Variants in HPCAL1 observed in about 807,000 individuals in gnomAD.
HPCAL1 encodes the protein hippocalcin like 1.
Under a neutral mutation model 17.1 loss-of-function variants are expected in HPCAL1, and 8 were observed. That is an observed-to-expected ratio of 0.47 (90% CI 0.27 to 0.84). HPCAL1 has a LOEUF of 0.84. Among genes scored for constraint, HPCAL1 ranks in the 40% least tolerant of loss-of-function variants. The probability of loss-of-function intolerance (pLI) is 0.13; values close to 1 mark genes in which losing one functional copy is unlikely to be tolerated. For synonymous variants in HPCAL1, 112 were observed against 111.4 expected, an observed-to-expected ratio of 1.01 and a Z score of -0.03; for missense variants, 165 against 271.1, an observed-to-expected ratio of 0.61 and a Z score of 2.75.
At position 10,323,631 on chromosome 2, in the gene HPCAL1, G is replaced by A. The variant is rs117954497; in HGVS notation, c.-111+20454G>A. ...ACTACCTTAGGTAAGCACCAGTTGCGCCTCACTCTAATGAAAATAATAAAA... is the reference window on the plus strand; with the variant it reads ...ACTACCTTAGGTAAGCACCAGTTGCACCTCACTCTAATGAAAATAATAAAA... On this transcript the variant is annotated intron_variant, in intron 1 of 4. Transcript: ENST00000307845. The surrounding 1 kb of genome is among the most constrained non-coding windows in gnomAD (Gnocchi z 4.6). Among the ~76,000 whole-genome samples, 2 of 152,260 alleles carry A rather than the reference G, an allele frequency of 1.3e-5. No individual in the cohort carries two copies. Among genetic ancestry groups the A allele is most frequent in the East Asian group, 1.9e-4 (1 of 5,188 alleles).
At chr2:10,415,739 T>C (rs916350250) in intron 2 of HPCAL1, among the ~76,000 whole-genome samples, 6 of 152,122 alleles carry the variant, frequency 3.9e-5, no homozygotes, top group African/African-American at 1.4e-4. Context: ...CTCCAGGAAG[T>C]TGACCACCTC....
intron 1 of HPCAL1, among the ~76,000 whole-genome samples, chr2:10,368,297 CAT>C (rs1463765519): frequency 6.8e-6 from 1 of 147,210 alleles, no homozygotes; most frequent in Non-Finnish European, 1.5e-5. Flanking sequence ...TGTAGGTGTG[CAT>C]GTGTGTGCAC....
At chr2:10,373,481 C>T (rs575016375) in intron 1 of HPCAL1, among the ~76,000 whole-genome samples, 2 of 152,128 alleles carry the variant, frequency 1.3e-5, no homozygotes, top group South Asian at 2.1e-4. Flanking sequence ...CTGAAAGTGA[C>T]GAGTGACAGA....
rs566394935 is a variant in HPCAL1, at chr2:10,377,009, T to G, written c.-110-19826T>G. Among the ~76,000 whole-genome samples, 53 of 151,820 alleles carry G rather than the reference T, an allele frequency of 3.5e-4. No individual in the cohort carries two copies. Among genetic ancestry groups the G allele is most frequent in the African/African-American group, 1.3e-3 (52 of 41,336 alleles). ...ACAATACATACCGTATTGTATTGTGTGTAGTACAATACATGTATGTAATAC... is the reference window on the plus strand; with the variant it reads ...ACAATACATACCGTATTGTATTGTGGGTAGTACAATACATGTATGTAATAC... On this transcript the variant is annotated intron_variant, in intron 1 of 4. Transcript: ENST00000307845. This position sits in a 1 kb window ranked among gnomAD's most constrained non-coding sequence, Gnocchi z 5.9.
intron 1 of HPCAL1, among the ~76,000 whole-genome samples, chr2:10,317,806 C>T (rs192255890): frequency 1.5e-4 from 23 of 152,288 alleles, no homozygotes; most frequent in African/African-American, 5.3e-4. Context: ...CCTGCCCTGG[C>T]GGAGCTTGTA....
rs150188129 is a variant in HPCAL1, at chr2:10,377,846, G to A, written c.-110-18989G>A. Among the ~76,000 whole-genome samples, 731 of 152,322 alleles carry A rather than the reference G, an allele frequency of 4.8e-3. 9 individuals carry two copies. Among genetic ancestry groups the A allele is most frequent in the African/African-American group, 0.017 (699 of 41,568 alleles). ...AGCCACCGAGGGGGGCCAGGCACGG[G>A]GGAGGGTATTCAAGGGCGGCAAGCC... is the stretch of plus-strand genomic sequence containing the variant. On this transcript the variant is annotated intron_variant, in intron 1 of 4. Coordinates refer to ENST00000307845, the MANE Select transcript of HPCAL1 (RefSeq NM_002149.4). This position sits in a 1 kb window ranked among gnomAD's most constrained non-coding sequence, Gnocchi z 5.9.
At chr2:10,413,629 G>A (rs927740313) in intron 2 of HPCAL1, among the ~76,000 whole-genome samples, 2 of 152,240 alleles carry the variant, frequency 1.3e-5, no homozygotes, top group Non-Finnish European at 2.9e-5. Flanking sequence ...GATGCACTCC[G>A]CCTGTTACCT....
At chr2:10,416,090 C>T (rs904419039) in intron 2 of HPCAL1, among the ~76,000 whole-genome samples, 1 of 152,196 alleles carries the variant, frequency 6.6e-6, no homozygotes, top group African/African-American at 2.4e-5. Flanking sequence ...ATGGCCCAGG[C>T]CCTCAAACTC....
At chr2:10,318,961 C>T (rs998545462) in intron 1 of HPCAL1, among the ~76,000 whole-genome samples, 3 of 152,196 alleles carry the variant, frequency 2.0e-5, no homozygotes, top group Admixed American at 6.5e-5. Flanking sequence ...GGCCTTGTAG[C>T]GTCTATATCC....
In HPCAL1 at chr2:10,342,074, T is replaced by A. The variant is rs1208407851; in HGVS notation, c.-111+38897T>A. Reference sequence around the variant, plus strand: ...AGTCCCAGCTACTTGGGAGGCTAAGTTGGAAGGATGACTTGAGCCCAGGAG... The same window carrying A: ...AGTCCCAGCTACTTGGGAGGCTAAGATGGAAGGATGACTTGAGCCCAGGAG... On this transcript the variant is annotated intron_variant, in intron 1 of 4. Coordinates refer to ENST00000307845, the MANE Select transcript of HPCAL1 (RefSeq NM_002149.4). The surrounding 1 kb of genome is among the most constrained non-coding windows in gnomAD (Gnocchi z 4.1). Among the ~76,000 whole-genome samples the A allele has an allele frequency of 6.6e-6, 1 of 151,408 alleles. No individual in the cohort carries two copies. The highest frequency in any genetic ancestry group is 1.5e-5 in the Non-Finnish European group (1 of 67,838).
chr2:10,364,227 G>A (rs1168471994), intron 1 of HPCAL1, among the ~76,000 whole-genome samples: 4 of 152,240 alleles, frequency 2.6e-5, no homozygotes, highest in Admixed American at 2.6e-4. Flanking sequence ...GTCGAGTGTG[G>A]GAGCTGGGCC....
Position 10,377,441 on chromosome 2 carries a change from C to T in HPCAL1, c.-110-19394C>T, listed in dbSNP as rs970665933. The stretch of plus-strand genomic sequence containing the variant: ...GGACACCAGTACAGTCAACAACTCT[C>T]ACTCGCCGCGGGCACCTGCTGTGCC... On this transcript the variant is annotated intron_variant, in intron 1 of 4. Coordinates refer to ENST00000307845, the MANE Select transcript of HPCAL1 (RefSeq NM_002149.4). The surrounding 1 kb of genome is among the most constrained non-coding windows in gnomAD (Gnocchi z 5.9). 3.9e-5 allele frequency among the ~76,000 whole-genome samples: 6 copies of T among 152,220 alleles called. No homozygotes were observed. Among genetic ancestry groups the T allele is most frequent in the Admixed American group, 3.3e-4 (5 of 15,290 alleles).
At chr2:10,325,092 C>T (rs1282242812) in intron 1 of HPCAL1, among the ~76,000 whole-genome samples, 1 of 151,844 alleles carries the variant, frequency 6.6e-6, no homozygotes, top group Non-Finnish European at 1.5e-5. Context: ...CTTGGCCTCC[C>T]AAACTGTTGG....
chr2:10,400,656 A>C (rs960492656), intron 2 of HPCAL1, among the ~76,000 whole-genome samples: 3 of 152,212 alleles, frequency 2.0e-5, no homozygotes, highest in Admixed American at 2.0e-4. Flanking sequence ...ATGACTTGGC[A>C]GTATCACTTC....
intron 4 of HPCAL1, 65 bp from the exon 5 acceptor site, chr2:10,426,659 A>G: frequency 7.7e-7 from 1 of 1,305,730 alleles, no homozygotes; most frequent in Non-Finnish European, 1.1e-6. Context: ...AGCTGTCCCC[A>G]TCCTCTCTGG....
intron 1 of HPCAL1, among the ~76,000 whole-genome samples, chr2:10,383,437 A>G (rs1668097464): frequency 1.3e-5 from 2 of 151,910 alleles, no homozygotes; most frequent in African/African-American, 4.8e-5. Context: ...ATCTCGGCTC[A>G]CTGCAACCTC....
chr2:10,342,536 G>A lies in HPCAL1; in HGVS notation c.-111+39359G>A, dbSNP rs919732553. Among the ~76,000 whole-genome samples, 4 of 152,212 alleles carry A rather than the reference G, an allele frequency of 2.6e-5. No individual in the cohort carries two copies. The highest frequency in any genetic ancestry group is 3.9e-4 in the East Asian group (2 of 5,194). On this transcript the variant is annotated intron_variant, in intron 1 of 4. Coordinates refer to ENST00000307845, the MANE Select transcript of HPCAL1 (RefSeq NM_002149.4). This position sits in a 1 kb window ranked among gnomAD's most constrained non-coding sequence, Gnocchi z 4.1. The stretch of plus-strand genomic sequence containing the variant: ...GGGTGGGAGGGGACTCCCAGGGAGC[G>A]GGGCTTGTGCTGGACTTTGCAGGAT...
rs762718570 is a variant in HPCAL1 at position 10,384,453 on chromosome 2, G to T, written c.-110-12382G>T. Among the ~76,000 whole-genome samples, 8 of 152,190 alleles carry T rather than the reference G, an allele frequency of 5.3e-5. No homozygotes were observed. The highest frequency in any genetic ancestry group is 1.0e-4 in the Non-Finnish European group (7 of 68,020). The stretch of plus-strand genomic sequence containing the variant: ...TGTCCCCTCGCTCACACTCACTACT[G>T]CCCTCCACAAACTGCCATGCTTGCT... On this transcript the variant is annotated intron_variant, in intron 1 of 4. Transcript: ENST00000307845. This position sits in a 1 kb window ranked among gnomAD's most constrained non-coding sequence, Gnocchi z 4.4.
intron 1 of HPCAL1, among the ~76,000 whole-genome samples, chr2:10,337,875 C>T (rs1664815098): frequency 6.6e-6 from 1 of 152,224 alleles, no homozygotes; most frequent in South Asian, 2.1e-4. Context: ...CCGGCAGTAC[C>T]TCCGAGCCTG....
Sources: gnomAD v4.1 joint callset for allele counts (sites outside exome capture counted in the v4.1 genomes callset) on GRCh38, gnomAD v4.1.1 for gene constraint, Gnocchi (gnomAD v3.1) non-coding constraint, MANE v1.5 for transcripts, NCBI Gene and HGNC (gene_info 2026-07-23, HGNC 2026-07-21) for gene names.